The following PXDNL variants were observed in gnomAD, a reference collection of about 807,000 sequenced individuals.
The protein encoded by PXDNL is peroxidasin like.
PXDNL carries 145 observed loss-of-function variants against 150.8 expected under a neutral mutation model. That is an observed-to-expected ratio of 0.96 (90% CI 0.84 to 1.10). The LOEUF is 1.10. Ranked by LOEUF, PXDNL falls within the 50% of genes least tolerant of loss-of-function variation. The probability of loss-of-function intolerance (pLI) is 0.00; values close to 1 mark genes in which losing one functional copy is unlikely to be tolerated. For missense variants in PXDNL, 2,087 were observed against 1,873.9 expected, an observed-to-expected ratio of 1.11 and a Z score of -2.10; for synonymous variants, 757 against 725.7, an observed-to-expected ratio of 1.04 and a Z score of -0.69.
chr8:51,382,617 G>C (rs1807583898), intron 17 of PXDNL, among the ~76,000 whole-genome samples: 1 of 152,094 alleles, frequency 6.6e-6, no homozygotes, highest in Admixed American at 6.5e-5. Context: ...ATTTTGTACA[G>C]CAGTTTTAGG....
At chr8:51,672,806 G>C (rs1445808332) in intron 1 of PXDNL, among the ~76,000 whole-genome samples, 1 of 152,086 alleles carries the variant, frequency 6.6e-6, no homozygotes, top group Non-Finnish European at 1.5e-5. Context: ...TGGAAAGCTA[G>C]TATTAGCCAG....
chr8:51,636,122 C>T (rs543344459), intron 2 of PXDNL, among the ~76,000 whole-genome samples: 5 of 152,058 alleles, frequency 3.3e-5, no homozygotes, highest in East Asian at 1.9e-4. Context: ...TCAAATGATA[C>T]GTAAAAAGTA....
intron 17 of PXDNL, among the ~76,000 whole-genome samples, chr8:51,405,545 C>G (rs1428609376): frequency 6.6e-6 from 1 of 152,028 alleles, no homozygotes; most frequent in Non-Finnish European, 1.5e-5. Flanking sequence ...TAAATTAATA[C>G]AAAAAGGAAA....
chr8:51,651,504 C>A (rs1815036280), intron 2 of PXDNL, among the ~76,000 whole-genome samples: 1 of 152,174 alleles, frequency 6.6e-6, no homozygotes, highest in South Asian at 2.1e-4. Context: ...TACCCCCCAA[C>A]CCCTCCCTTT....
At chr8:51,403,525 G>A (rs558802549) in intron 17 of PXDNL, among the ~76,000 whole-genome samples, 18 of 152,312 alleles carry the variant, frequency 1.2e-4, no homozygotes, top group African/African-American at 3.8e-4. Flanking sequence ...TGAGTCCGAT[G>A]CTAATTCTAG....
intron 8 of PXDNL, among the ~76,000 whole-genome samples, chr8:51,463,691 C>A (rs557208114): frequency 3.9e-5 from 6 of 152,076 alleles, no homozygotes; most frequent in Non-Finnish European, 8.8e-5. Context: ...TGGAAGATGA[C>A]CATGTACTTA....
intron 4 of PXDNL, among the ~76,000 whole-genome samples, chr8:51,530,461 C>T (rs1170714436): frequency 6.6e-6 from 1 of 152,170 alleles, no homozygotes; most frequent in Non-Finnish European, 1.5e-5. Flanking sequence ...ATGATCCTTT[C>T]AAACATAAAT....
intron 11 of PXDNL, among the ~76,000 whole-genome samples, chr8:51,448,242 C>T (rs1313219080): frequency 1.3e-5 from 2 of 152,324 alleles, no homozygotes; most frequent in African/African-American, 4.8e-5. Context: ...TGTCTGGCGC[C>T]TTGGTGGGGC....
intron 2 of PXDNL, among the ~76,000 whole-genome samples, chr8:51,632,599 A>G (rs1427557030): frequency 6.6e-6 from 1 of 152,338 alleles, no homozygotes; most frequent in East Asian, 1.9e-4. Flanking sequence ...ATCTCAATCA[A>G]TCAATCAATC....
chr8:51,409,067 G>T lies in PXDNL; in HGVS notation c.2557C>A (p.Arg853=). Residue 853 remains arginine, a synonymous_variant, in exon 17 of 23, where the codon CGG becomes AGG. Transcript: ENST00000356297. ...FPMNTRHADP[R]GTHAPCMLFA... ...AGCATGCAGGGCGCGTGGGTGCCCC[G>T]GGGGTCGGCGTGCCGGGTGTTCATG... 6.2e-7 allele frequency: 1 copy of T among 1,609,556 alleles called. No homozygotes were observed.
intron 3 of PXDNL, among the ~76,000 whole-genome samples, chr8:51,566,843 C>CT (rs1194484497): frequency 6.6e-6 from 1 of 150,458 alleles, no homozygotes; most frequent in African/African-American, 2.4e-5. Flanking sequence ...TTTTATATTG[C>CT]TTTTTTTTCT....
chr8:51,368,310 C>G (rs938682818), intron 19 of PXDNL, among the ~76,000 whole-genome samples: 23 of 152,180 alleles, frequency 1.5e-4, no homozygotes, highest in Non-Finnish European at 3.2e-4. Flanking sequence ...TTATTTAGAT[C>G]TCATGCCTTC....
At chr8:51,365,671 A>G (rs900562041) in intron 19 of PXDNL, among the ~76,000 whole-genome samples, 1 of 152,346 alleles carries the variant, frequency 6.6e-6, no homozygotes, top group African/African-American at 2.4e-5. Flanking sequence ...TCAAAGAAAC[A>G]TGTGATCATG....
At chr8:51,678,333 G>A (rs1563504177) in intron 1 of PXDNL, among the ~76,000 whole-genome samples, 1 of 152,116 alleles carries the variant, frequency 6.6e-6, no homozygotes, top group Admixed American at 6.6e-5. Flanking sequence ...GTTGTAATGG[G>A]TTACTTACAC....
In PXDNL at chr8:51,325,674, C is replaced by T. The variant is rs1041850596; in HGVS notation, c.4147-4777G>A. On this transcript the variant is annotated intron_variant, in intron 21 of 22. Transcript: ENST00000356297. ...AGTGAAGAGGGAGGGGAGCTTCATT[C>T]CTGCTGGGTTAGGACGGAAGCCCAG... Among the ~76,000 whole-genome samples, 5 of 152,196 alleles carry T rather than the reference C, an allele frequency of 3.3e-5. No individual in the cohort carries two copies. In the East Asian group the frequency reaches 9.6e-4, roughly 29 times the overall value.
Position 51,423,658 on chromosome 8 carries a change from C to T in PXDNL, c.1712G>A (p.Gly571Glu). ...TTCATATCTTCCCTGGTCAGGGAAC[C>T]CTGCGTCGTAGATAGTCAGCGTGCC... The part of the protein sequence containing the change: ...DEGTLTIYDA[G>E]FPDQGRYECV... Residue 571 changes from glycine to glutamate, a missense_variant, in exon 14 of 23, where the codon GGG becomes GAG. By Grantham distance (98) the Gly-to-Glu change is moderately conservative (BLOSUM62 -2). Coordinates refer to ENST00000356297, the MANE Select transcript of PXDNL (RefSeq NM_144651.5). 6.2e-7 allele frequency: 1 copy of T among 1,613,470 alleles called. No homozygotes were observed. The highest frequency in any genetic ancestry group is 1.3e-5 in the African/African-American group (1 of 75,016).
chr8:51,490,487 T>C (rs977500229), intron 5 of PXDNL, among the ~76,000 whole-genome samples: 2 of 151,928 alleles, frequency 1.3e-5, no homozygotes, highest in South Asian at 2.1e-4. Context: ...GATTGGGTAG[T>C]AGTTTCAAAA....
Position 51,372,049 on chromosome 8 carries a change from G to T in PXDNL, c.3725C>A (p.Pro1242Gln). The T allele has an allele frequency of 6.2e-7, 1 of 1,603,130 alleles. No homozygotes were observed. The highest frequency in any genetic ancestry group is 8.5e-7 in the Non-Finnish European group (1 of 1,174,538). Residue 1242 changes from proline to glutamine, a missense_variant, in exon 19 of 23, where the codon CCG (proline) becomes CAG (glutamine). Physicochemically the swap from Pro to Gln is moderately conservative, Grantham distance 76. Transcript: ENST00000356297. ...FWYENPGVFTPAQLTQLKQAS... is the reference protein window; with the variant it reads ...FWYENPGVFTQAQLTQLKQAS... ...CTGCTTCAGCTGAGTGAGTTGTGCC[G>T]GGGTAAATACTCCAGGGTTTTCATA...
chr8:51,517,124 A>G (rs1811558189), intron 4 of PXDNL, among the ~76,000 whole-genome samples: 1 of 152,142 alleles, frequency 6.6e-6, no homozygotes, highest in Admixed American at 6.5e-5. Flanking sequence ...CTGATTGAAT[A>G]TTATATTTGC....
Sources: gnomAD v4.1 joint callset for allele counts (sites outside exome capture counted in the v4.1 genomes callset) on GRCh38, gnomAD v4.1.1 for gene constraint, MANE v1.5 for transcripts, NCBI Gene and HGNC (gene_info 2026-07-23, HGNC 2026-07-21) for gene names.